SLC24A2: variants seen among roughly 807,000 people sequenced by gnomAD.
SLC24A2 encodes the protein sodium/potassium/calcium exchanger 2.
A neutral mutation model predicts 62.0 loss-of-function variants in SLC24A2; 36 were observed. That is an observed-to-expected ratio of 0.58 (90% CI 0.44 to 0.77). The LOEUF (loss-of-function observed/expected upper bound fraction) is 0.77. Ranked by LOEUF, SLC24A2 falls within the 30% of genes least tolerant of loss-of-function variation. The pLI, the probability that SLC24A2 is intolerant of heterozygous loss-of-function variation, is 0.00. For missense variants in SLC24A2, 846 were observed against 817.9 expected, an observed-to-expected ratio of 1.03 and a Z score of -0.42; for synonymous variants, 358 against 294.0, an observed-to-expected ratio of 1.22 and a Z score of -2.23.
chr9:19,858,159 G>A, the SLC24A2 span, among the ~76,000 whole-genome samples: 87,435 of 151,924 alleles, frequency 0.58, 25,807 homozygotes, highest in Non-Finnish European at 0.64. Context: ...AAACAGACAC[G>A]TAGACCAATG....
chr9:20,251,900 G>C, the SLC24A2 span, among the ~76,000 whole-genome samples: 1 of 152,178 alleles, frequency 6.6e-6, no homozygotes, highest in Non-Finnish European at 1.5e-5. Flanking sequence ...ACAATGTCCA[G>C]AGGTAGAACG....
At chr9:20,054,250 G>C in the SLC24A2 span, among the ~76,000 whole-genome samples, 1 of 151,650 alleles carries the variant, frequency 6.6e-6, no homozygotes, top group Non-Finnish European at 1.5e-5. Context: ...GGAATGCAGT[G>C]GTGTGATCTT....
At chr9:19,553,946 C>T (rs1182246577) in intron 7 of SLC24A2, among the ~76,000 whole-genome samples, 1 of 152,104 alleles carries the variant, frequency 6.6e-6, no homozygotes, top group Non-Finnish European at 1.5e-5. Context: ...CCAATCATGC[C>T]CCTTCCTTCT....
At chr9:20,234,293 G>A in the SLC24A2 span, among the ~76,000 whole-genome samples, 3 of 152,190 alleles carry the variant, frequency 2.0e-5, no homozygotes, top group African/African-American at 7.2e-5. Flanking sequence ...GATTGGGGAA[G>A]TTCTCCTGGA....
chr9:19,903,753 C>T, the SLC24A2 span, among the ~76,000 whole-genome samples: 30 of 152,134 alleles, frequency 2.0e-4, no homozygotes, highest in African/African-American at 4.6e-4. Flanking sequence ...GAGTCCTACA[C>T]GAGACCTCTT....
chr9:19,538,484 CT>C (rs1275989422), intron 8 of SLC24A2, among the ~76,000 whole-genome samples: 3 of 8,160 alleles, frequency 3.7e-4, no homozygotes, highest in African/African-American at 2.8e-3. Flanking sequence ...GTCTTTGGCT[CT>C]GTTTATATGC....
At chr9:19,893,750 A>G in the SLC24A2 span, among the ~76,000 whole-genome samples, 1 of 131,054 alleles carries the variant, frequency 7.6e-6, no homozygotes, top group Admixed American at 7.3e-5. Context: ...CAGGAACACA[A>G]GATTGGCTAA....
the SLC24A2 span, among the ~76,000 whole-genome samples, chr9:20,094,941 G>A: frequency 6.6e-6 from 1 of 152,012 alleles, no homozygotes. Flanking sequence ...TCAAGTTTGG[G>A]TGTAGTAGTT....
the SLC24A2 span, among the ~76,000 whole-genome samples, chr9:19,979,444 G>A: frequency 2.0e-5 from 3 of 152,136 alleles, no homozygotes. Context: ...ACGCTTATGG[G>A]TGCACAAAGT....
chr9:20,060,790 T>C, the SLC24A2 span, among the ~76,000 whole-genome samples: 1 of 152,172 alleles, frequency 6.6e-6, no homozygotes, highest in African/African-American at 2.4e-5. Flanking sequence ...TAGAAATTCT[T>C]AGGGAACACA....
At chr9:19,669,908 G>A (rs771728453) in intron 2 of SLC24A2, among the ~76,000 whole-genome samples, 11 of 152,226 alleles carry the variant, frequency 7.2e-5, no homozygotes, top group Middle Eastern at 6.8e-3. Flanking sequence ...GACATCTTTC[G>A]GGGCCATCAT....
At chr9:20,205,236 T>C in the SLC24A2 span, among the ~76,000 whole-genome samples, 1 of 152,144 alleles carries the variant, frequency 6.6e-6, no homozygotes, top group African/African-American at 2.4e-5. Context: ...TATTGAAGCA[T>C]GATGGGTTTT....
At chr9:20,040,765 A>T in the SLC24A2 span, among the ~76,000 whole-genome samples, 1 of 152,170 alleles carries the variant, frequency 6.6e-6, no homozygotes. Context: ...TGGAAAGCTA[A>T]CCCAGGGAAG....
the SLC24A2 span, among the ~76,000 whole-genome samples, chr9:19,808,248 T>G: frequency 6.6e-6 from 1 of 152,196 alleles, no homozygotes; most frequent in East Asian, 1.9e-4. This position sits in a 1 kb window ranked among gnomAD's most constrained non-coding sequence, Gnocchi z 4.1. Context: ...CAGATGTACT[T>G]GAATTAACTG....
the SLC24A2 span, among the ~76,000 whole-genome samples, chr9:19,856,913 A>G: frequency 4.6e-5 from 7 of 152,238 alleles, no homozygotes; most frequent in Admixed American, 4.6e-4. Context: ...GCCAGCAGGC[A>G]GGAAAGACTA....
the SLC24A2 span, among the ~76,000 whole-genome samples, chr9:20,266,888 G>T: frequency 2.0e-5 from 3 of 151,980 alleles, no homozygotes. Context: ...GACCCACCTG[G>T]TCAACAGAAT....
At chr9:19,636,030 T>C (rs79193160) in intron 2 of SLC24A2, among the ~76,000 whole-genome samples, 1 of 152,240 alleles carries the variant, frequency 6.6e-6, no homozygotes, top group South Asian at 2.1e-4. Context: ...TTATTAAATA[T>C]ATGTAATACA....
chr9:19,862,985 T>C, the SLC24A2 span, among the ~76,000 whole-genome samples: 1 of 150,896 alleles, frequency 6.6e-6, no homozygotes, highest in Admixed American at 6.6e-5. Context: ...ATGACAGGAG[T>C]AAGTCTTTAC....
intron 7 of SLC24A2, among the ~76,000 whole-genome samples, chr9:19,569,666 T>A (rs1256733289): frequency 6.6e-6 from 1 of 152,096 alleles, no homozygotes. Context: ...CAGGGATCTT[T>A]TACAAGTGCA....
Sources: gnomAD v4.1 joint callset for allele counts (sites outside exome capture counted in the v4.1 genomes callset) on GRCh38, gnomAD v4.1.1 for gene constraint, Gnocchi (gnomAD v3.1) non-coding constraint, MANE v1.5 for transcripts, NCBI Gene and HGNC (gene_info 2026-07-23, HGNC 2026-07-21) for gene names.